RPS6KA2: variants seen among roughly 807,000 people sequenced by gnomAD.
The protein encoded by RPS6KA2 is ribosomal protein S6 kinase A2, also known as ribosomal protein S6 kinase alpha-2.
A neutral mutation model predicts 91.8 loss-of-function variants in RPS6KA2; 42 were observed. The ratio of observed to expected loss-of-function variants is 0.46; its 90% CI spans 0.36 to 0.59. RPS6KA2 has a LOEUF of 0.59. Among genes scored for constraint, RPS6KA2 ranks in the 20% least tolerant of loss-of-function variants. The pLI, the probability that RPS6KA2 is intolerant of heterozygous loss-of-function variation, is 0.00. For synonymous variants in RPS6KA2, 414 were observed against 393.6 expected (o/e 1.05, Z -0.61); for missense variants, 798 against 978.5 (o/e 0.82, Z 2.46).
At chr6:166,450,720 C>T (rs1318189218) in intron 13 of RPS6KA2, among the ~76,000 whole-genome samples, 1 of 145,878 alleles carries the variant, frequency 6.9e-6, no homozygotes, top group Non-Finnish European at 1.5e-5. Context: ...CCCCAGGGAA[C>T]ACCATGGGGA....
chr6:166,814,727 T>C (rs1360400357), intron 2 of RPS6KA2, among the ~76,000 whole-genome samples: 2 of 152,248 alleles, frequency 1.3e-5, no homozygotes. Flanking sequence ...GAATTGTGTA[T>C]AGGAGGGTTC....
chr6:166,493,916 G>T lies in RPS6KA2; in HGVS notation c.748-3175C>A, dbSNP rs9459682. Among the ~76,000 whole-genome samples, 2,634 of 152,308 alleles carry T rather than the reference G, an allele frequency of 0.017. 83 individuals carry two copies. Among genetic ancestry groups the T allele is most frequent in the African/African-American group, 0.06 (2,500 of 41,564 alleles). On this transcript the variant is annotated intron_variant, in intron 8 of 20. Coordinates refer to ENST00000265678, the MANE Select transcript of RPS6KA2 (RefSeq NM_021135.6). The surrounding 1 kb of genome is among the most constrained non-coding windows in gnomAD (Gnocchi z 4.7). ...TCTAAAGGGACAGCTAAGGAACCTG[G>T]AAAGAGTGGCGGCCCCGGCACAGGC...
chr6:166,823,095 A>T (rs936086997), intron 2 of RPS6KA2, among the ~76,000 whole-genome samples: 2 of 152,180 alleles, frequency 1.3e-5, no homozygotes, highest in African/African-American at 4.8e-5. Flanking sequence ...TATTGGTGAG[A>T]CTCTAGACCC....
rs1480208576 is a variant in RPS6KA2, at chr6:166,862,298, G to A, written c.-128C>T. ...CCAAGGGACGCAGAGGCCGGCGGGT[G>A]GCGGCGATGGAGAGGACAGATCCGG... On this transcript the variant is annotated 5_prime_UTR_variant, in exon 1 of 22. Transcript: ENST00000503859. 2.6e-6 allele frequency: 4 copies of A among 1,563,812 alleles called. No individual in the cohort carries two copies. The Admixed American group carries it at 7.0e-5, about 27-fold the overall frequency.
At chr6:166,796,547 C>T (rs1779228829) in intron 2 of RPS6KA2, among the ~76,000 whole-genome samples, 1 of 125,300 alleles carries the variant, frequency 8.0e-6, no homozygotes, top group African/African-American at 2.5e-5. Flanking sequence ...AGCGATGGTG[C>T]CACTGCACTC....
intron 2 of RPS6KA2, among the ~76,000 whole-genome samples, chr6:166,633,928 G>A (rs184091473): frequency 6.6e-6 from 1 of 152,280 alleles, no homozygotes; most frequent in Admixed American, 6.5e-5. Flanking sequence ...AGGGAGGAAG[G>A]ACTAGAGGGA....
intron 2 of RPS6KA2, among the ~76,000 whole-genome samples, chr6:166,690,762 G>A (rs866239168): frequency 2.0e-5 from 3 of 152,160 alleles, no homozygotes; most frequent in South Asian, 2.1e-4. Context: ...GCTATAAAAC[G>A]GACGTACACC....
chr6:166,572,448 G>A (rs1238861540), intron 1 of RPS6KA2, among the ~76,000 whole-genome samples: 1 of 152,260 alleles, frequency 6.6e-6, no homozygotes, highest in Non-Finnish European at 1.5e-5. Context: ...TAAGCCAAGG[G>A]ATGTTTACTT....
chr6:166,657,107 C>T (rs901053007), intron 2 of RPS6KA2, among the ~76,000 whole-genome samples: 1 of 152,072 alleles, frequency 6.6e-6, no homozygotes, highest in Non-Finnish European at 1.5e-5. Context: ...GCTGGAGCTG[C>T]GGAGCACCAG....
intron 2 of RPS6KA2, among the ~76,000 whole-genome samples, chr6:166,719,446 A>G (rs1790109454): frequency 6.6e-6 from 1 of 152,246 alleles, no homozygotes; most frequent in Non-Finnish European, 1.5e-5. Context: ...TTTGATATCA[A>G]TGAGAGCTTT....
At chr6:166,454,689 G>A (rs1324960382) in intron 12 of RPS6KA2, among the ~76,000 whole-genome samples, 3 of 152,104 alleles carry the variant, frequency 2.0e-5, no homozygotes, top group African/African-American at 7.2e-5. Flanking sequence ...AATGATTGCA[G>A]TGTGAGTCCT....
chr6:166,484,330 A>G (rs1264973501), intron 10 of RPS6KA2, among the ~76,000 whole-genome samples: 1 of 152,196 alleles, frequency 6.6e-6, no homozygotes, highest in African/African-American at 2.4e-5. Flanking sequence ...CTCATCACTT[A>G]GTGAATACCT....
chr6:166,773,560 C>G (rs1778536147), intron 2 of RPS6KA2, among the ~76,000 whole-genome samples: 1 of 152,050 alleles, frequency 6.6e-6, no homozygotes, highest in Non-Finnish European at 1.5e-5. Context: ...CACCACCACA[C>G]CCAGCTAATT....
chr6:166,725,414 A>C (rs967503178), intron 2 of RPS6KA2, among the ~76,000 whole-genome samples: 1 of 152,222 alleles, frequency 6.6e-6, no homozygotes, highest in African/African-American at 2.4e-5. Flanking sequence ...TGACAGAAGG[A>C]AACTGGTCTA....
chr6:166,483,637 A>G (rs1781311843), intron 10 of RPS6KA2, among the ~76,000 whole-genome samples: 1 of 152,230 alleles, frequency 6.6e-6, no homozygotes, highest in Non-Finnish European at 1.5e-5. Flanking sequence ...TCACTAAATA[A>G]GAGAAGCTCA....
At chr6:166,785,937 TAGC>T (rs1778918173) in intron 2 of RPS6KA2, among the ~76,000 whole-genome samples, 2 of 152,310 alleles carry the variant, frequency 1.3e-5, no homozygotes, top group Admixed American at 6.5e-5. Context: ...ATAATAAAAA[TAGC>T]AGATAATAAT....
At chr6:166,491,332 A>G (rs1364953126) in intron 8 of RPS6KA2, among the ~76,000 whole-genome samples, 3 of 152,118 alleles carry the variant, frequency 2.0e-5, no homozygotes, top group Non-Finnish European at 4.4e-5. Context: ...GGAACTTGAG[A>G]TAAGGAGGGG....
intron 2 of RPS6KA2, chr6:166,701,195 G>C: frequency 2.5e-6 from 4 of 1,612,122 alleles, no homozygotes; most frequent in Admixed American, 3.3e-5. Flanking sequence ...TGGGCAACCT[G>C]GCAAGCATAG....
intron 2 of RPS6KA2, among the ~76,000 whole-genome samples, chr6:166,715,653 T>A: frequency 6.6e-6 from 1 of 152,166 alleles, no homozygotes; most frequent in East Asian, 1.9e-4. Flanking sequence ...GGCTATCTGG[T>A]GTAGCCCATG....
Sources: allele counts gnomAD v4.1 joint callset (sites outside exome capture counted in the v4.1 genomes callset), GRCh38; gene constraint gnomAD v4.1.1; non-coding constraint Gnocchi (gnomAD v3.1); transcripts MANE v1.5; gene names NCBI Gene and HGNC (gene_info 2026-07-23, HGNC 2026-07-21).